MYLK4: variants seen among roughly 807,000 people sequenced by gnomAD.
MYLK4 encodes myosin light chain kinase family member 4.
Under a neutral mutation model 48.1 loss-of-function variants are expected in MYLK4, and 46 were observed. The ratio of observed to expected loss-of-function variants is 0.96; its 90% CI spans 0.75 to 1.22. The LOEUF is 1.22. MYLK4 is among the 50% of genes most tolerant of loss of function. The pLI, the probability that MYLK4 is intolerant of heterozygous loss-of-function variation, is 0.00. For missense variants in MYLK4, 451 were observed against 486.1 expected, an observed-to-expected ratio of 0.93 and a Z score of 0.68; for synonymous variants, 170 against 180.8, an observed-to-expected ratio of 0.94 and a Z score of 0.48.
At chr6:2,720,348 G>A (rs937462109) in intron 2 of MYLK4, among the ~76,000 whole-genome samples, 35 of 151,900 alleles carry the variant, frequency 2.3e-4, no homozygotes, top group African/African-American at 8.0e-4. Context: ...AGGTTGCAGT[G>A]AGCCGAGATC....
intron 1 of MYLK4, 130 bp downstream of exon 1, chr6:2,750,606 T>TA (rs1393265017): frequency 6.6e-6 from 1 of 152,082 alleles, no homozygotes; most frequent in Admixed American, 6.6e-5. Context: ...AGGATTAAGA[T>TA]ACAATAATTT....
chr6:2,666,006 G>C lies in MYLK4; in HGVS notation c.*1919C>G, dbSNP rs527577299. On this transcript the variant is annotated 3_prime_UTR_variant, in exon 13 of 13. Coordinates refer to ENST00000274643, the MANE Select transcript of MYLK4 (RefSeq NM_001012418.5). ...CACAGGAACATAAGAAACCAACCTC[G>C]GATAAATGCAAGGCCAAAGGAGAAA... is the stretch of plus-strand genomic sequence containing the variant. 6.6e-6 allele frequency: 1 copy of C among 152,082 alleles called. No homozygotes were observed. Among genetic ancestry groups the C allele is most frequent in the East Asian group, 1.9e-4 (1 of 5,178 alleles). 9.4% of individuals were successfully genotyped at this position (152,082 alleles called of 1,614,324 possible). A position where few individuals can be genotyped will look rare whatever the true frequency, so the allele number is the denominator to read the frequency against.
intron 2 of MYLK4, among the ~76,000 whole-genome samples, chr6:2,747,146 C>T (rs1299452282): frequency 6.6e-6 from 1 of 152,228 alleles, no homozygotes; most frequent in East Asian, 1.9e-4. Context: ...AGCCAGGAGG[C>T]CCAAGTTACA....
At chr6:2,674,846 G>A (rs778028252) in intron 11 of MYLK4, among the ~76,000 whole-genome samples, 1 of 152,128 alleles carries the variant, frequency 6.6e-6, no homozygotes, top group African/African-American at 2.4e-5. Flanking sequence ...ACTCTAGTTT[G>A]GGCAACGAGA....
intron 2 of MYLK4, among the ~76,000 whole-genome samples, chr6:2,740,487 T>C (rs919994434): frequency 6.6e-6 from 1 of 152,216 alleles, no homozygotes; most frequent in African/African-American, 2.4e-5. Flanking sequence ...GGGGAATCAG[T>C]GCCAATTGCC....
chr6:2,693,571 C>A (rs1167386555), intron 2 of MYLK4, among the ~76,000 whole-genome samples: 1 of 152,144 alleles, frequency 6.6e-6, no homozygotes, highest in African/African-American at 2.4e-5. Context: ...GAAACATTAG[C>A]CCAATCCACC....
chr6:2,720,401 TAA>T (rs1267071467), intron 2 of MYLK4, among the ~76,000 whole-genome samples: 1 of 40,684 alleles, frequency 2.5e-5, no homozygotes, highest in Non-Finnish European at 5.0e-5. Context: ...AGATTCCATC[TAA>T]AAACAAAAAA....
chr6:2,768,535 C>T, the MYLK4 span, among the ~76,000 whole-genome samples: 1 of 152,096 alleles, frequency 6.6e-6, no homozygotes, highest in Non-Finnish European at 1.5e-5. Context: ...TTTTAAATGT[C>T]CTGTGGTATT....
intron 2 of MYLK4, among the ~76,000 whole-genome samples, chr6:2,705,495 T>C (rs947150066): frequency 7.2e-5 from 11 of 152,230 alleles, no homozygotes; most frequent in Admixed American, 3.9e-4. Flanking sequence ...CAGTCATCCA[T>C]GGCAATGAGC....
At chr6:2,713,323 T>C (rs1490292896) in intron 2 of MYLK4, among the ~76,000 whole-genome samples, 1 of 149,762 alleles carries the variant, frequency 6.7e-6, no homozygotes, top group East Asian at 2.0e-4. Flanking sequence ...TGAGCCAAGA[T>C]CGATCGCATC....
At chr6:2,765,392 T>C in the MYLK4 span, 5 of 387,060 alleles carry the variant, frequency 1.3e-5, no homozygotes, top group Non-Finnish European at 2.1e-5. Context: ...GGCCACGAAC[T>C]ACACTTCCCG....
rs2113085652 is a variant in MYLK4 at position 2,672,210 on chromosome 6, G to A, written c.1120-862C>T. On this transcript the variant is annotated intron_variant, in intron 11 of 12. Coordinates refer to ENST00000274643, the MANE Select transcript of MYLK4 (RefSeq NM_001012418.5). This position sits in a 1 kb window ranked among gnomAD's most constrained non-coding sequence, Gnocchi z 4.3. ...AAATTTGTGTCGTGTTCCTTCCTCT[G>A]GCCCCAGAACCCTGGCTAATTCTGC... 6.6e-6 allele frequency among the ~76,000 whole-genome samples: 1 copy of A among 152,266 alleles called. No homozygotes were observed. Among genetic ancestry groups the A allele is most frequent in the South Asian group, 2.1e-4 (1 of 4,826 alleles).
the MYLK4 span, chr6:2,766,030 G>T: frequency 7.6e-7 from 1 of 1,317,630 alleles, no homozygotes; most frequent in Non-Finnish European, 9.6e-7. Flanking sequence ...GCCCCGGGAG[G>T]AAGGGGTCGG....
the MYLK4 span, chr6:2,768,755 C>T: frequency 6.2e-7 from 1 of 1,613,982 alleles, no homozygotes; most frequent in Non-Finnish European, 8.5e-7. Context: ...GTGACATTAT[C>T]TGCAACAAAT....
the MYLK4 span, chr6:2,765,576 A>G: frequency 7.0e-7 from 1 of 1,425,286 alleles, no homozygotes; most frequent in Non-Finnish European, 9.1e-7. Context: ...CCGCGTGCGC[A>G]CGGGTTGCTG....
chr6:2,684,238 C>T (rs1027196936), intron 6 of MYLK4, among the ~76,000 whole-genome samples: 8 of 152,090 alleles, frequency 5.3e-5, no homozygotes, highest in South Asian at 2.1e-4. Context: ...AGTGACTAAC[C>T]GCAGGGAGTG....
At chr6:2,682,258 G>A (rs906415782) in intron 7 of MYLK4, among the ~76,000 whole-genome samples, 2 of 152,192 alleles carry the variant, frequency 1.3e-5, no homozygotes, top group South Asian at 2.1e-4. Context: ...CACACAAGAC[G>A]TACTTTATGA....
At chr6:2,682,957 G>T in intron 7 of MYLK4, 64 bp downstream of exon 7, 1 of 1,585,952 alleles carries the variant, frequency 6.3e-7, no homozygotes, top group Non-Finnish European at 8.7e-7. Context: ...TATAATAGCA[G>T]ACAGGGCCCA....
intron 4 of MYLK4, among the ~76,000 whole-genome samples, chr6:2,688,157 C>T (rs1761630109): frequency 6.6e-6 from 1 of 151,790 alleles, no homozygotes; most frequent in South Asian, 2.1e-4. Flanking sequence ...CTCCCTGGTT[C>T]AAGCGATTCT....
Sources: gnomAD v4.1 joint callset for allele counts (sites outside exome capture counted in the v4.1 genomes callset) on GRCh38, gnomAD v4.1.1 for gene constraint, Gnocchi (gnomAD v3.1) non-coding constraint, MANE v1.5 for transcripts, NCBI Gene and HGNC (gene_info 2026-07-23, HGNC 2026-07-21) for gene names.